Variants in STIM2 observed in about 807,000 individuals in gnomAD.
The protein encoded by STIM2 is stromal interaction molecule 2.
A neutral mutation model predicts 85.8 loss-of-function variants in STIM2; 31 were observed. The observed-to-expected ratio is 0.36, with a 90% CI of 0.27 to 0.49. The LOEUF (loss-of-function observed/expected upper bound fraction) is 0.49, where lower values mean the gene tolerates loss of function less well. Ranked by LOEUF, STIM2 falls within the 20% of genes least tolerant of loss-of-function variation. STIM2 has a pLI of 0.98. For missense variants in STIM2, 841 were observed against 927.6 expected (o/e 0.91, Z 1.21); for synonymous variants, 356 against 331.1 (o/e 1.08, Z -0.82).
intron 1 of STIM2, among the ~76,000 whole-genome samples, chr4:26,907,993 G>A (rs530671437): frequency 2.6e-5 from 4 of 152,062 alleles, no homozygotes; most frequent in Admixed American, 2.0e-4. Context: ...ACCCATTTTT[G>A]TTGCTGAGAC....
chr4:27,005,322 C>G (rs537813877), intron 7 of STIM2, among the ~76,000 whole-genome samples: 8 of 152,162 alleles, frequency 5.3e-5, no homozygotes, highest in African/African-American at 1.9e-4. Flanking sequence ...TAGAAAAAGT[C>G]TCAGGAAGCC....
At chr4:26,920,030 A>G (rs748706685) in intron 2 of STIM2, among the ~76,000 whole-genome samples, 5 of 152,078 alleles carry the variant, frequency 3.3e-5, no homozygotes, top group Admixed American at 3.3e-4. Context: ...GTACCCTTAG[A>G]TATGGGCCGA....
At chr4:26,962,563 T>A (rs1726516346) in intron 3 of STIM2, among the ~76,000 whole-genome samples, 1 of 11,626 alleles carries the variant, frequency 8.6e-5, no homozygotes, top group South Asian at 6.6e-3. Context: ...TAATGCAGTG[T>A]GTGTGTGTGT....
intron 1 of STIM2, among the ~76,000 whole-genome samples, chr4:26,914,856 A>G (rs953824798): frequency 1.3e-5 from 2 of 152,214 alleles, no homozygotes; most frequent in African/African-American, 4.8e-5. Context: ...TGTATTCTAG[A>G]TTGTGAATAT....
chr4:26,941,110 A>G (rs1218924762), intron 2 of STIM2, among the ~76,000 whole-genome samples: 1 of 152,078 alleles, frequency 6.6e-6, no homozygotes, highest in Non-Finnish European at 1.5e-5. Context: ...TGTGCTCTTT[A>G]CTTTAACCAA....
chr4:26,987,670 A>G (rs1357218222), intron 3 of STIM2, among the ~76,000 whole-genome samples: 3 of 152,208 alleles, frequency 2.0e-5, no homozygotes, highest in African/African-American at 7.2e-5. Context: ...AATCACCTCC[A>G]TGATGAAGAA....
intron 6 of STIM2, 50 bp downstream of exon 6, chr4:27,002,444 A>G (rs1728188963): frequency 1.4e-6 from 2 of 1,450,348 alleles, no homozygotes; most frequent in Admixed American, 2.2e-5. Flanking sequence ...TACAATTTGT[A>G]AAAAAAGTGA....
intron 1 of STIM2, among the ~76,000 whole-genome samples, chr4:26,876,349 T>C (rs1417701155): frequency 6.6e-6 from 1 of 152,168 alleles, no homozygotes. Context: ...ATCGTAGCAC[T>C]TCCCACTTTT....
rs1486841089 is a variant in STIM2, at chr4:27,002,331, A to C, written c.740A>C (p.Lys247Thr). ...AAGACATCAAAAGAACATGTTGCAA[A>C]AATGATGAAAGATTTAGAGAGCTTA... Residue 247 changes from lysine (K) to threonine (T), a missense_variant, in exon 6 of 12, where the codon AAA (lysine) becomes ACA (threonine). Physicochemically the swap from Lys to Thr is moderately conservative, Grantham distance 78. This residue lies in a region of STIM2 where 408 missense variants were observed against 525.4 expected (regional missense o/e 0.78). Coordinates refer to ENST00000467087, the MANE Select transcript of STIM2 (RefSeq NM_020860.4). 1 of 1,613,472 alleles carries C rather than the reference A, an allele frequency of 6.2e-7. No individual in the cohort carries two copies. The highest frequency in any genetic ancestry group is 2.2e-5 in the East Asian group (1 of 44,834).
intron 1 of STIM2, among the ~76,000 whole-genome samples, chr4:26,893,034 A>G (rs10022599): frequency 0.32 from 47,895 of 152,030 alleles, 7,719 homozygotes; most frequent in African/African-American, 0.41. Context: ...GTAAACAGGT[A>G]AGTTGAATGG....
intron 3 of STIM2, among the ~76,000 whole-genome samples, chr4:26,970,199 GTATATATATATATATATATATATGTA>G (rs1171163125): frequency 3.3e-5 from 3 of 91,128 alleles, no homozygotes; most frequent in African/African-American, 7.5e-5. Context: ...TAGTGTGTGT[GTATATATATATATATATATATATGTA>G]TATATATATA....
chr4:26,918,302 T>A lies in STIM2; in HGVS notation c.152-1202T>A, dbSNP rs141975927. ...ATTGGCTTCTCTTCTCCCAGCTTTT[T>A]TTCTCCTAAGCACAGAATTAGATAT... is the stretch of plus-strand genomic sequence containing the variant. On this transcript the variant is annotated intron_variant, in intron 1 of 11. Coordinates refer to ENST00000467087, the MANE Select transcript of STIM2 (RefSeq NM_020860.4). 7.7e-4 allele frequency among the ~76,000 whole-genome samples: 117 copies of A among 152,046 alleles called. 2 individuals carry two copies. In the East Asian group the frequency reaches 0.022, roughly 28 times the overall value.
intron 3 of STIM2, among the ~76,000 whole-genome samples, chr4:26,987,822 T>C (rs1421887963): frequency 1.3e-5 from 2 of 152,246 alleles, no homozygotes; most frequent in Non-Finnish European, 2.9e-5. Flanking sequence ...TGTTTAACTT[T>C]GGCATTACTG....
intron 2 of STIM2, among the ~76,000 whole-genome samples, chr4:26,944,845 T>C (rs1725754762): frequency 6.6e-6 from 1 of 152,224 alleles, no homozygotes; most frequent in Non-Finnish European, 1.5e-5. Context: ...GTGAAGGTGG[T>C]TCAATAAAGA....
At chr4:26,949,061 TC>T (rs1194683205) in intron 2 of STIM2, among the ~76,000 whole-genome samples, 1 of 152,220 alleles carries the variant, frequency 6.6e-6, no homozygotes, top group Non-Finnish European at 1.5e-5. Context: ...GTCTTAATCT[TC>T]CAATATCACT....
chr4:26,931,370 G>C lies in STIM2; in HGVS notation c.282+11736G>C, dbSNP rs143400165. On this transcript the variant is annotated intron_variant, in intron 2 of 11. Transcript: ENST00000467087. Reference sequence around the variant, plus strand: ...ATCATTGGGAGCCATTTCAGAGACTGCTTACCACAGTTTATTTTGATAATT... The same window carrying C: ...ATCATTGGGAGCCATTTCAGAGACTCCTTACCACAGTTTATTTTGATAATT... Among the ~76,000 whole-genome samples, 8 of 152,198 alleles carry C rather than the reference G, an allele frequency of 5.3e-5. No homozygotes were observed. The East Asian group carries it at 1.4e-3, about 26-fold the overall frequency.
intron 1 of STIM2, among the ~76,000 whole-genome samples, chr4:26,870,423 T>C (rs1332921884): frequency 6.6e-6 from 1 of 152,190 alleles, no homozygotes; most frequent in East Asian, 1.9e-4. Context: ...CTACTTTTTG[T>C]CATTATGCCT....
intron 1 of STIM2, among the ~76,000 whole-genome samples, chr4:26,907,789 G>A (rs1009069626): frequency 2.6e-5 from 4 of 152,304 alleles, no homozygotes; most frequent in South Asian, 2.1e-4. Context: ...TTCTTTCCAT[G>A]TTGGATAAGC....
At chr4:26,871,185 A>G (rs1405108546) in intron 1 of STIM2, among the ~76,000 whole-genome samples, 1 of 152,164 alleles carries the variant, frequency 6.6e-6, no homozygotes, top group Non-Finnish European at 1.5e-5. Context: ...GTTTCATCCA[A>G]TTTAATCCTT....
Sources: allele counts gnomAD v4.1 joint callset (sites outside exome capture counted in the v4.1 genomes callset), GRCh38; gene constraint gnomAD v4.1.1; regional missense constraint gnomAD v4.1.1; transcripts MANE v1.5; gene names NCBI Gene and HGNC (gene_info 2026-07-23, HGNC 2026-07-21).